KCND2: variants seen among roughly 807,000 people sequenced by gnomAD.
KCND2 encodes the protein A-type voltage-gated potassium channel KCND2.
KCND2 carries 16 observed loss-of-function variants against 54.4 expected under a neutral mutation model. The observed-to-expected ratio is 0.29, with a 90% CI of 0.20 to 0.45. KCND2 has a LOEUF of 0.45. KCND2 is among the 20% of genes least tolerant of loss of function. KCND2 has a pLI of 1.00. For synonymous variants in KCND2, 317 were observed against 310.7 expected (o/e 1.02, Z -0.21); for missense variants, 486 against 824.2 (o/e 0.59, Z 5.02).
chr7:120,664,080 G>A (rs544110298), intron 1 of KCND2, among the ~76,000 whole-genome samples: 15 of 152,218 alleles, frequency 9.9e-5, no homozygotes, highest in African/African-American at 3.6e-4. Flanking sequence ...ATACCTGCAT[G>A]TTTATGCGTG....
chr7:120,705,718 A>G (rs1326793833), intron 1 of KCND2, among the ~76,000 whole-genome samples: 1 of 152,194 alleles, frequency 6.6e-6, no homozygotes, highest in Non-Finnish European at 1.5e-5. Flanking sequence ...ACTCAATTAA[A>G]TAAATGAGAA....
intron 2 of KCND2, 84 bp from the exon 3 acceptor site, chr7:120,741,450 C>A (rs2116175439): frequency 1.1e-6 from 1 of 926,012 alleles, no homozygotes. Flanking sequence ...TGTAGGCTGA[C>A]AATAGGATTA....
chr7:120,293,250 T>C (rs1236930244), intron 1 of KCND2, among the ~76,000 whole-genome samples: 1 of 151,972 alleles, frequency 6.6e-6, no homozygotes, highest in Non-Finnish European at 1.5e-5. Context: ...TTAAACAGAA[T>C]ACACAATGGA....
chr7:120,506,227 C>T (rs910069919), intron 1 of KCND2, among the ~76,000 whole-genome samples: 1 of 151,456 alleles, frequency 6.6e-6, no homozygotes, highest in African/African-American at 2.4e-5. Context: ...ATATTGAGTT[C>T]GATCCAAGTG....
intron 1 of KCND2, among the ~76,000 whole-genome samples, chr7:120,660,853 C>A (rs1791857304): frequency 6.6e-6 from 1 of 152,130 alleles, no homozygotes; most frequent in African/African-American, 2.4e-5. Context: ...AGGTCTTTTT[C>A]TAGAAATTGA....
chr7:120,684,472 C>T (rs780180134), intron 1 of KCND2, among the ~76,000 whole-genome samples: 1 of 152,124 alleles, frequency 6.6e-6, no homozygotes, highest in Non-Finnish European at 1.5e-5. Context: ...CACCAGTTTT[C>T]ATTTTAAGAA....
At chr7:120,605,342 A>G (rs1792868761) in intron 1 of KCND2, among the ~76,000 whole-genome samples, 1 of 152,210 alleles carries the variant, frequency 6.6e-6, no homozygotes, top group Admixed American at 6.5e-5. Context: ...TTTTGTATCT[A>G]GAATCTTTCA....
intron 1 of KCND2, among the ~76,000 whole-genome samples, chr7:120,671,006 A>G (rs987735995): frequency 1.3e-5 from 2 of 152,100 alleles, no homozygotes; most frequent in Admixed American, 1.3e-4. Context: ...AATCTACACT[A>G]TAATTATGTT....
intron 1 of KCND2, among the ~76,000 whole-genome samples, chr7:120,464,692 A>G (rs1342605020): frequency 3.3e-5 from 5 of 152,186 alleles, no homozygotes; most frequent in African/African-American, 1.2e-4. Flanking sequence ...TGCTCATTCA[A>G]GCTAATGACA....
At chr7:120,642,759 T>C (rs540661072) in intron 1 of KCND2, among the ~76,000 whole-genome samples, 1 of 152,248 alleles carries the variant, frequency 6.6e-6, no homozygotes, top group Admixed American at 6.5e-5. Flanking sequence ...AAACATTATC[T>C]CATTTAAATA....
chr7:120,745,335 A>G (rs1331949055), intron 4 of KCND2, among the ~76,000 whole-genome samples: 2 of 152,202 alleles, frequency 1.3e-5, no homozygotes, highest in African/African-American at 4.8e-5. Flanking sequence ...GCTAATATAT[A>G]ACAGACAATC....
intron 1 of KCND2, among the ~76,000 whole-genome samples, chr7:120,349,744 T>C (rs1238821263): frequency 1.3e-5 from 2 of 152,202 alleles, no homozygotes; most frequent in African/African-American, 4.8e-5. Context: ...CTGAACAAAA[T>C]GTAAAAGGAC....
chr7:120,679,112 C>G (rs1350658907), intron 1 of KCND2, among the ~76,000 whole-genome samples: 1 of 151,580 alleles, frequency 6.6e-6, no homozygotes, highest in Non-Finnish European at 1.5e-5. Flanking sequence ...GGTAGCCTAC[C>G]CTGAGGCTTT....
chr7:120,656,687 G>A (rs908135821), intron 1 of KCND2, among the ~76,000 whole-genome samples: 1 of 152,158 alleles, frequency 6.6e-6, no homozygotes, highest in Non-Finnish European at 1.5e-5. Context: ...ATTTCCACTT[G>A]TGGAGTTGTG....
chr7:120,739,199 C>T (rs1039977911), intron 2 of KCND2, among the ~76,000 whole-genome samples: 10 of 151,816 alleles, frequency 6.6e-5, no homozygotes, highest in African/African-American at 2.4e-4. Context: ...CAGTTTTACC[C>T]AATGCTGCTG....
intron 1 of KCND2, among the ~76,000 whole-genome samples, chr7:120,660,338 T>C (rs1437816320): frequency 6.6e-6 from 1 of 152,210 alleles, no homozygotes; most frequent in East Asian, 1.9e-4. Context: ...ACAATGATTA[T>C]ATAAAGAAAG....
chr7:120,420,985 TAAG>T (rs769439716), intron 1 of KCND2, among the ~76,000 whole-genome samples: 10 of 152,160 alleles, frequency 6.6e-5, no homozygotes, highest in South Asian at 2.1e-4. Context: ...ACAGTTACAG[TAAG>T]AAGTATAATT....
rs191206464 is a variant in KCND2 at position 120,631,710 on chromosome 7, G to C, written c.1116-101193G>C. 4.9e-4 allele frequency among the ~76,000 whole-genome samples: 75 copies of C among 152,242 alleles called. No homozygotes were observed. In the East Asian group the frequency reaches 0.014, roughly 29 times the overall value. On this transcript the variant is annotated intron_variant, in intron 1 of 5. Transcript: ENST00000331113. The stretch of plus-strand genomic sequence containing the variant: ...GCTTTTATATCTGTAAATAGAAAAT[G>C]TGGACAAGTAATTTTATATGTACAT...
At chr7:120,632,129 G>A (rs780348800) in intron 1 of KCND2, among the ~76,000 whole-genome samples, 1 of 152,102 alleles carries the variant, frequency 6.6e-6, no homozygotes, top group Non-Finnish European at 1.5e-5. Context: ...TTAGAGAAGA[G>A]CAATGCCAGT....
Sources: allele counts gnomAD v4.1 joint callset (sites outside exome capture counted in the v4.1 genomes callset), GRCh38; gene constraint gnomAD v4.1.1; transcripts MANE v1.5; gene names NCBI Gene and HGNC (gene_info 2026-07-23, HGNC 2026-07-21).